The following SORT1 variants were observed in gnomAD, a reference collection of about 807,000 sequenced individuals.
The protein encoded by SORT1 is sortilin 1, also known as sortilin.
In SORT1, 39 loss-of-function variants were observed where a neutral mutation model predicts 101.7. That is an observed-to-expected ratio of 0.38 (90% CI 0.30 to 0.50). SORT1 has a LOEUF of 0.50. Ranked by LOEUF, SORT1 falls within the 20% of genes least tolerant of loss-of-function variation. The pLI is 0.90. For synonymous variants in SORT1, 396 were observed against 393.7 expected (o/e 1.01, Z -0.07); for missense variants, 878 against 1,040.4 (o/e 0.84, Z 2.15).
chr1:109,338,987 C>A (rs983443846), intron 10 of SORT1, among the ~76,000 whole-genome samples: 1 of 152,086 alleles, frequency 6.6e-6, no homozygotes, highest in Non-Finnish European at 1.5e-5. Flanking sequence ...ACGCCATTCT[C>A]CTGCCTCAGT....
Position 109,354,400 on chromosome 1 carries a change from C to A in SORT1, c.675G>T (p.Gln225His), listed in dbSNP as rs149456022. ...TGAGAGCTAAAAGATAATCAGAATT[C>A]TGAGGGCTATACATCATCTGAGTGA... ...HPLTQMMYSP[Q>H]NSDYLLALST... Residue 225 changes from glutamine to histidine, a missense_variant, in exon 5 of 20, where the codon CAG becomes CAT. Gln to His is a conservative substitution (Grantham distance 24, BLOSUM62 0). Transcript: ENST00000256637. 1.4e-4 allele frequency: 233 copies of A among 1,613,612 alleles called. 2 individuals carry two copies. In the Admixed American group the frequency reaches 1.6e-3, roughly 11 times the overall value.
chr1:109,324,832 C>T (rs779686039), intron 14 of SORT1, 67 bp downstream of exon 14: 9 of 1,065,116 alleles, frequency 8.4e-6, no homozygotes, highest in Non-Finnish European at 1.2e-5. Flanking sequence ...AGAAATTAAA[C>T]CATATTGATT....
chr1:109,359,841 A>G (rs550460963), intron 3 of SORT1, among the ~76,000 whole-genome samples: 1 of 152,248 alleles, frequency 6.6e-6, no homozygotes, highest in African/African-American at 2.4e-5. Flanking sequence ...AAAGTCTAAA[A>G]TTGAAAGTGT....
At chr1:109,340,596 A>C in intron 10 of SORT1, 128 bp downstream of exon 10, 2 of 968,332 alleles carry the variant, frequency 2.1e-6, no homozygotes, top group African/African-American at 1.7e-5. Flanking sequence ...AAAAGGAAAC[A>C]AAAAAATGTA....
intron 11 of SORT1, among the ~76,000 whole-genome samples, chr1:109,331,874 C>G (rs1169186906): frequency 6.7e-6 from 1 of 149,472 alleles, no homozygotes; most frequent in Non-Finnish European, 1.5e-5. Flanking sequence ...ATACAATATA[C>G]ACTAACAACA....
chr1:109,350,726 A>G (rs1046313323), intron 6 of SORT1, among the ~76,000 whole-genome samples: 13 of 152,196 alleles, frequency 8.5e-5, no homozygotes, highest in African/African-American at 3.1e-4. Flanking sequence ...TCTAACATTT[A>G]AGTGAGACTA....
intron 1 of SORT1, among the ~76,000 whole-genome samples, chr1:109,374,145 T>C (rs960911995): frequency 2.6e-5 from 4 of 151,956 alleles, no homozygotes; most frequent in Non-Finnish European, 1.5e-5. Flanking sequence ...GGACCCATAA[T>C]GAAGAGAAAA....
chr1:109,372,347 A>G (rs926061383), intron 1 of SORT1, among the ~76,000 whole-genome samples: 1 of 152,232 alleles, frequency 6.6e-6, no homozygotes, highest in Non-Finnish European at 1.5e-5. Context: ...AAAGGAATCA[A>G]GCCCATACAT....
At position 109,313,990 on chromosome 1, in the gene SORT1, G is replaced by GT; in HGVS notation, c.*52dup. 2.3e-5 allele frequency: 36 copies of GT among 1,565,560 alleles called. No homozygotes were observed. Among genetic ancestry groups the GT allele is most frequent in the Non-Finnish European group, 3.1e-5 (35 of 1,136,152 alleles). ...TCCTGAAGTTGGAGCCACAGGGAGT[G>GT]TAAGAGGTACTGTGGTTCCACCATC... On this transcript the variant is annotated 3_prime_UTR_variant, in exon 20 of 20. Coordinates refer to ENST00000256637, the MANE Select transcript of SORT1 (RefSeq NM_002959.7).
chr1:109,338,559 C>A (rs749890671), intron 10 of SORT1, among the ~76,000 whole-genome samples: 2 of 152,150 alleles, frequency 1.3e-5, no homozygotes, highest in Non-Finnish European at 2.9e-5. Context: ...ACAAGAAGAA[C>A]CCTGGCTGGC....
In SORT1 at chr1:109,323,090, T is replaced by C; in HGVS notation, c.1866A>G (p.Ala622=). 1 of 1,614,132 alleles carries C rather than the reference T, an allele frequency of 6.2e-7. No individual in the cohort carries two copies. The highest frequency in any genetic ancestry group is 8.5e-7 in the Non-Finnish European group (1 of 1,179,994). The part of the protein sequence containing the change: ...CEEKDYTIWL[A]HSTDPEDYED... ...CATAATCTTCAGGGTCTGTGGAGTG[T>C]GCCAGCCATATGGTATAGTCCTTCT... is the stretch of plus-strand genomic sequence containing the variant. Residue 622 remains alanine (A), a synonymous_variant, in exon 15 of 20, where the codon GCA becomes GCG. Transcript: ENST00000256637.
chr1:109,383,724 T>C (rs1282338949), intron 1 of SORT1, among the ~76,000 whole-genome samples: 2 of 152,204 alleles, frequency 1.3e-5, no homozygotes, highest in Non-Finnish European at 2.9e-5. Flanking sequence ...TATAGTTCTG[T>C]TAAATTAGGC....
At chr1:109,321,800 T>G (rs1404608781) in intron 15 of SORT1, among the ~76,000 whole-genome samples, 1 of 152,234 alleles carries the variant, frequency 6.6e-6, no homozygotes, top group Non-Finnish European at 1.5e-5. Flanking sequence ...TCATCTGTGA[T>G]GTGAAGCAGT....
intron 1 of SORT1, among the ~76,000 whole-genome samples, chr1:109,375,425 A>C (rs980808990): frequency 1.9e-4 from 29 of 150,534 alleles, no homozygotes; most frequent in African/African-American, 4.2e-4. Flanking sequence ...CGCCTGTAGT[A>C]CCAGCTACGC....
intron 3 of SORT1, among the ~76,000 whole-genome samples, chr1:109,364,584 T>C (rs543581544): frequency 6.6e-6 from 1 of 152,112 alleles, no homozygotes; most frequent in African/African-American, 2.4e-5. Context: ...ACCAGCAGAG[T>C]GAAGGTATGA....
At chr1:109,378,736 ATATATATATATATATATATATAT>A (rs1557822590) in intron 1 of SORT1, among the ~76,000 whole-genome samples, 18 of 107,008 alleles carry the variant, frequency 1.7e-4, no homozygotes, top group African/African-American at 6.5e-4. Context: ...ATATATATAT[ATATATATATATATATATATATAT>A]ATAAAGATGT....
At chr1:109,314,430 T>C (rs570034626) in intron 18 of SORT1, 46 bp from the exon 19 acceptor site, 8 of 1,604,568 alleles carry the variant, frequency 5.0e-6, no homozygotes, top group Non-Finnish European at 6.8e-6. Context: ...ACAGCAGGGG[T>C]GCACTTCTTA....
chr1:109,321,507 G>A (rs952732306), intron 15 of SORT1, among the ~76,000 whole-genome samples: 1 of 152,154 alleles, frequency 6.6e-6, no homozygotes, highest in African/African-American at 2.4e-5. Context: ...CAGGTTTATC[G>A]ATGACCTCCA....
intron 6 of SORT1, among the ~76,000 whole-genome samples, chr1:109,350,476 T>C (rs950761116): frequency 6.6e-6 from 1 of 152,170 alleles, no homozygotes; most frequent in African/African-American, 2.4e-5. Flanking sequence ...TGAGTTGTGG[T>C]GCGCAATGTG....
Sources: gnomAD v4.1 joint callset for allele counts (sites outside exome capture counted in the v4.1 genomes callset) on GRCh38, gnomAD v4.1.1 for gene constraint, MANE v1.5 for transcripts, NCBI Gene and HGNC (gene_info 2026-07-23, HGNC 2026-07-21) for gene names.